GCLC: variants seen among roughly 807,000 people sequenced by gnomAD.
GCLC encodes the protein glutamate-cysteine ligase catalytic subunit, also known as glutamate--cysteine ligase catalytic subunit.
GCLC carries 30 observed loss-of-function variants against 81.5 expected under a neutral mutation model. The ratio of observed to expected loss-of-function variants is 0.37; its 90% CI spans 0.28 to 0.50. The LOEUF is 0.50. Ranked by LOEUF, GCLC falls within the 20% of genes least tolerant of loss-of-function variation. The pLI, the probability that GCLC is intolerant of heterozygous loss-of-function variation, is 0.96. For synonymous variants in GCLC, 262 were observed against 273.3 expected (o/e 0.96, Z 0.41); for missense variants, 556 against 777.4 (o/e 0.72, Z 3.39).
At chr6:53,532,218 T>C (rs1456358257) in intron 1 of GCLC, among the ~76,000 whole-genome samples, 1 of 152,252 alleles carries the variant, frequency 6.6e-6, no homozygotes, top group Non-Finnish European at 1.5e-5. Context: ...ACTACAGCTA[T>C]AACAGGGCAG....
At chr6:53,510,615 C>A (rs1262828396) in intron 6 of GCLC, among the ~76,000 whole-genome samples, 1 of 152,144 alleles carries the variant, frequency 6.6e-6, no homozygotes. Flanking sequence ...TCATTAATGA[C>A]AGCTTGAATT....
chr6:53,511,509 T>C (rs868351871), intron 6 of GCLC, among the ~76,000 whole-genome samples: 3 of 152,182 alleles, frequency 2.0e-5, no homozygotes, highest in Middle Eastern at 3.2e-3. Context: ...TGGCCTAGTA[T>C]ACAATACATA....
intron 1 of GCLC, among the ~76,000 whole-genome samples, chr6:53,542,016 T>C (rs1027813127): frequency 5.3e-5 from 8 of 152,098 alleles, no homozygotes; most frequent in African/African-American, 1.7e-4. Flanking sequence ...CACAGGCACA[T>C]GCCACTAATT....
intron 1 of GCLC, among the ~76,000 whole-genome samples, chr6:53,532,360 G>A (rs1187638613): frequency 1.3e-5 from 2 of 152,230 alleles, no homozygotes; most frequent in African/African-American, 2.4e-5. Context: ...GACCGAGTCT[G>A]CAGGAACTAT....
chr6:53,538,638 A>T (rs374339623), intron 1 of GCLC, among the ~76,000 whole-genome samples: 2 of 152,204 alleles, frequency 1.3e-5, no homozygotes, highest in South Asian at 4.1e-4. Flanking sequence ...AACCTAGCAT[A>T]GGCAAATTGG....
intron 2 of GCLC, among the ~76,000 whole-genome samples, chr6:53,521,695 C>T (rs371833506): frequency 5.9e-5 from 9 of 151,800 alleles, no homozygotes; most frequent in East Asian, 3.9e-4. Context: ...CACACCAGGC[C>T]GGGTGCGGTG....
At chr6:53,543,445 GAAA>G (rs11290203) in intron 1 of GCLC, among the ~76,000 whole-genome samples, 1 of 145,218 alleles carries the variant, frequency 6.9e-6, no homozygotes, top group South Asian at 2.2e-4. Context: ...CCCAATCTTA[GAAA>G]AAAAAAAAAA....
chr6:53,511,683 A>G (rs2127622223), intron 6 of GCLC, among the ~76,000 whole-genome samples: 1 of 152,108 alleles, frequency 6.6e-6, no homozygotes, highest in Admixed American at 6.5e-5. Flanking sequence ...ATGGAAGGAA[A>G]AAAAGTTCTT....
In GCLC at chr6:53,507,584, G is replaced by T; in HGVS notation, c.980C>A (p.Ser327Tyr). ...LKNNNYRISK[S>Y]RYDSIDSYLS... Reference sequence around the variant, plus strand: ...ATAGCTGTCTATTGAGTCATATCGGGATTTACTGATCCTATAGTTATTGTT... The same window carrying T: ...ATAGCTGTCTATTGAGTCATATCGGTATTTACTGATCCTATAGTTATTGTT... Residue 327 changes from serine to tyrosine, a missense_variant, in exon 9 of 16, where the codon TCC becomes TAC. By Grantham distance (144) the Ser-to-Tyr change is moderately radical (BLOSUM62 -2). Around this residue, in one of 3 missense-constraint regions of GCLC, gnomAD observed 313 missense variants for 437.3 expected, o/e 0.72. Transcript: ENST00000650454. 1 of 1,559,710 alleles carries T rather than the reference G, an allele frequency of 6.4e-7. No individual in the cohort carries two copies. The highest frequency in any genetic ancestry group is 8.8e-7 in the Non-Finnish European group (1 of 1,131,044).
chr6:53,507,649 T>C, intron 8 of GCLC, 31 bp from the exon 9 acceptor site: 1 of 975,380 alleles, frequency 1.0e-6, no homozygotes, highest in Non-Finnish European at 1.6e-6. Context: ...TAAATGAATA[T>C]GCTATATAAA....
chr6:53,497,421 T>C lies in GCLC; in HGVS notation c.*1335A>G, dbSNP rs1172473571. On this transcript the variant is annotated 3_prime_UTR_variant, in exon 16 of 16. Coordinates refer to ENST00000650454, the MANE Select transcript of GCLC (RefSeq NM_001498.4). The stretch of plus-strand genomic sequence containing the variant: ...ATTTATCTGCCTTTTTACAACCTGA[T>C]TTACACAAGCAAATTGCAAACGAAA... The C allele has an allele frequency of 6.6e-6, 1 of 152,234 alleles. No individual in the cohort carries two copies. The highest frequency in any genetic ancestry group is 1.5e-5 in the Non-Finnish European group (1 of 68,040). 9.4% of individuals were successfully genotyped at this position (152,234 alleles called of 1,614,324 possible).
At chr6:53,511,680 G>GA (rs889045458) in intron 6 of GCLC, among the ~76,000 whole-genome samples, 1 of 149,592 alleles carries the variant, frequency 6.7e-6, no homozygotes, top group African/African-American at 2.5e-5. Flanking sequence ...TTAATGGAAG[G>GA]AAAAAAAGTT....
intron 3 of GCLC, among the ~76,000 whole-genome samples, chr6:53,516,690 G>C (rs1764879908): frequency 6.6e-6 from 1 of 152,138 alleles, no homozygotes; most frequent in South Asian, 2.1e-4. Flanking sequence ...GGTAGGCTCT[G>C]AATCTGGAAG....
At chr6:53,527,468 T>C (rs1763102427) in intron 1 of GCLC, among the ~76,000 whole-genome samples, 1 of 152,158 alleles carries the variant, frequency 6.6e-6, no homozygotes, top group African/African-American at 2.4e-5. Context: ...AAAAACACTG[T>C]CTTGCTGGAC....
intron 12 of GCLC, among the ~76,000 whole-genome samples, chr6:53,502,482 C>T (rs1350165956): frequency 6.6e-6 from 1 of 152,196 alleles, no homozygotes; most frequent in Non-Finnish European, 1.5e-5. Context: ...ATGTATTACC[C>T]ATCACACTAA....
intron 1 of GCLC, among the ~76,000 whole-genome samples, chr6:53,530,703 G>A (rs918473302): frequency 6.6e-6 from 1 of 152,172 alleles, no homozygotes; most frequent in Non-Finnish European, 1.5e-5. Flanking sequence ...ATTCAATGGT[G>A]TCGTTTTGAA....
chr6:53,542,567 G>A, intron 1 of GCLC, among the ~76,000 whole-genome samples: 1 of 151,806 alleles, frequency 6.6e-6, no homozygotes, highest in Non-Finnish European at 1.5e-5. Context: ...GGACAAAGAT[G>A]GATAAGGGGT....
At chr6:53,508,204 T>C (rs1460658632) in intron 8 of GCLC, among the ~76,000 whole-genome samples, 1 of 152,194 alleles carries the variant, frequency 6.6e-6, no homozygotes, top group East Asian at 1.9e-4. Context: ...AGGGTTACTT[T>C]ACAGTTCAAC....
At chr6:53,499,300 G>A (rs1364341520) in intron 15 of GCLC, among the ~76,000 whole-genome samples, 1 of 152,150 alleles carries the variant, frequency 6.6e-6, no homozygotes, top group African/African-American at 2.4e-5. Flanking sequence ...TTTGGCCAGA[G>A]GGCTAGGACT....
Sources: allele counts gnomAD v4.1 joint callset (sites outside exome capture counted in the v4.1 genomes callset), GRCh38; gene constraint gnomAD v4.1.1; regional missense constraint gnomAD v4.1.1; transcripts MANE v1.5; gene names NCBI Gene and HGNC (gene_info 2026-07-23, HGNC 2026-07-21).